The following HNRNPM variants were observed in gnomAD, a reference collection of about 807,000 sequenced individuals.
The protein encoded by HNRNPM is heterogeneous nuclear ribonucleoprotein M, also known as CEA receptor.
Under a neutral mutation model 73.1 loss-of-function variants are expected in HNRNPM, and 11 were observed. The ratio of observed to expected loss-of-function variants is 0.15; its 90% CI spans 0.09 to 0.25. HNRNPM has a LOEUF of 0.25. Among genes scored for constraint, HNRNPM ranks in the 10% least tolerant of loss-of-function variants. HNRNPM has a pLI of 1.00. For missense variants in HNRNPM, 789 were observed against 1,067.9 expected (o/e 0.74, Z 3.64); for synonymous variants, 407 against 355.2 (o/e 1.15, Z -1.64).
rs548534971 is a variant in HNRNPM at position 8,475,676 on chromosome 19, G to A, written c.1120+1432G>A. Reference sequence around the variant, plus strand: ...TAGTAATAAAGCAACAGAGGTCTGCGTTTCCAGTGTACATTCAAGCTTGCC... The same window carrying A: ...TAGTAATAAAGCAACAGAGGTCTGCATTTCCAGTGTACATTCAAGCTTGCC... On this transcript the variant is annotated intron_variant, in intron 12 of 15. Transcript: ENST00000325495. Among the ~76,000 whole-genome samples the A allele has an allele frequency of 4.3e-4, 66 of 152,294 alleles. 2 individuals carry two copies. Among genetic ancestry groups the A allele is most frequent in the Admixed American group, 2.0e-3 (31 of 15,292 alleles).
intron 12 of HNRNPM, among the ~76,000 whole-genome samples, chr19:8,479,705 A>C (rs1042881211): frequency 9.3e-5 from 14 of 150,362 alleles, no homozygotes; most frequent in African/African-American, 3.0e-4. Context: ...TGGCCTCCCA[A>C]GGTGCTGGGG....
chr19:8,452,311 A>G (rs1164579384), intron 1 of HNRNPM, among the ~76,000 whole-genome samples: 1 of 152,236 alleles, frequency 6.6e-6, no homozygotes, highest in Admixed American at 6.5e-5. Flanking sequence ...TGTAAATCTT[A>G]AAGTATTTGG....
Position 8,468,765 on chromosome 19 carries a change from C to T in HNRNPM, c.835-9C>T, listed in dbSNP as rs1478318271. The T allele has an allele frequency of 1.9e-6, 3 of 1,611,524 alleles. No homozygotes were observed. Among genetic ancestry groups the T allele is most frequent in the Admixed American group, 1.7e-5 (1 of 59,994 alleles). On this transcript the variant is annotated splice_polypyrimidine_tract_variant and intron_variant, in intron 8 of 15. Transcript: ENST00000325495. Reference sequence around the variant, plus strand: ...ATACTGAGATTTGTTTGTTTTCTTTCTCTTTCAGGATGAGAGGGCCTTACC... The same window carrying T: ...ATACTGAGATTTGTTTGTTTTCTTTTTCTTTCAGGATGAGAGGGCCTTACC...
chr19:8,469,954 G>A (rs975662935), intron 9 of HNRNPM, among the ~76,000 whole-genome samples: 2 of 152,236 alleles, frequency 1.3e-5, no homozygotes, highest in African/African-American at 4.8e-5. Context: ...CTGTTGAAAG[G>A]CAACATTAGT....
intron 2 of HNRNPM, among the ~76,000 whole-genome samples, chr19:8,457,432 C>T (rs971180263): frequency 1.3e-5 from 2 of 152,316 alleles, no homozygotes; most frequent in East Asian, 1.9e-4. Context: ...CTACGAATGC[C>T]TGGGCTCAGC....
intron 2 of HNRNPM, among the ~76,000 whole-genome samples, chr19:8,459,600 T>TA (rs1402925346): frequency 4.6e-5 from 7 of 152,220 alleles, no homozygotes; most frequent in African/African-American, 1.7e-4. Flanking sequence ...ATATAGGTCT[T>TA]ATAACATGTG....
At chr19:8,453,979 C>CT (rs1378045957) in intron 1 of HNRNPM, among the ~76,000 whole-genome samples, 1 of 152,234 alleles carries the variant, frequency 6.6e-6, no homozygotes, top group African/African-American at 2.4e-5. Context: ...GTGGGATTGT[C>CT]TGCATGCTGT....
chr19:8,483,237 T>G, intron 13 of HNRNPM, 26 bp downstream of exon 13: 1 of 1,593,626 alleles, frequency 6.3e-7, no homozygotes, highest in Non-Finnish European at 8.6e-7. Flanking sequence ...TTTGATGTTT[T>G]GTTTTTTTAG....
chr19:8,458,627 A>C (rs1010212409), intron 2 of HNRNPM, among the ~76,000 whole-genome samples: 4 of 152,252 alleles, frequency 2.6e-5, no homozygotes, highest in Non-Finnish European at 5.9e-5. Context: ...AAGGTCAGGG[A>C]TGTAGTTTAC....
In HNRNPM at chr19:8,462,650, A is replaced by G; in HGVS notation, c.336+69A>G. 1.6e-6 allele frequency: 2 copies of G among 1,270,612 alleles called. No homozygotes were observed. Among genetic ancestry groups the G allele is most frequent in the Admixed American group, 1.7e-5 (1 of 59,500 alleles). The allele number at this position is 1,270,612 out of a possible 1,614,324, so 78.7% of individuals were successfully genotyped here. ...AAATGTAACTGTATGGTGGCGTGGA[A>G]TCGAATGAAATCAGGAAGGCAGTGA... On this transcript the variant is annotated intron_variant, in intron 3 of 15. Transcript: ENST00000325495. This position sits in a 1 kb window ranked among gnomAD's most constrained non-coding sequence, Gnocchi z 4.5.
At chr19:8,468,667 A>G (rs1054016341) in intron 8 of HNRNPM, 107 bp from the exon 9 acceptor site, 10 of 790,824 alleles carry the variant, frequency 1.3e-5, no homozygotes, top group African/African-American at 3.4e-5. Context: ...TGGCGTGGAT[A>G]ATGTGTTTAG....
chr19:8,483,987 C>A (rs934832726), intron 13 of HNRNPM, among the ~76,000 whole-genome samples: 1 of 151,830 alleles, frequency 6.6e-6, no homozygotes, highest in African/African-American at 2.4e-5. Flanking sequence ...AGGCTTATCT[C>A]AAACTCCTGG....
chr19:8,473,652 T>C lies in HNRNPM; in HGVS notation c.998-12T>C. ...ACATAATTTTAGTTTGCATTGACTT[T>C]TTCTTTTTAAGGAATGGGAATGGAA... On this transcript the variant is annotated splice_polypyrimidine_tract_variant and intron_variant, in intron 10 of 15. Transcript: ENST00000325495. 6.5e-7 allele frequency: 1 copy of C among 1,543,910 alleles called. No homozygotes were observed. Among genetic ancestry groups the C allele is most frequent in the Non-Finnish European group, 8.9e-7 (1 of 1,120,668 alleles).
chr19:8,488,976 A>G lies in HNRNPM; in HGVS notation c.*122A>G, dbSNP rs1971514901. 9 of 889,136 alleles carry G rather than the reference A, an allele frequency of 1.0e-5. No individual in the cohort carries two copies. Among genetic ancestry groups the G allele is most frequent in the Non-Finnish European group, 1.5e-5 (9 of 593,962 alleles). 55.1% of individuals were successfully genotyped at this position (889,136 alleles called of 1,614,324 possible). A position where few individuals can be genotyped will look rare whatever the true frequency, so the allele number is the denominator to read the frequency against. On this transcript the variant is annotated 3_prime_UTR_variant, in exon 16 of 16. Coordinates refer to ENST00000325495, the MANE Select transcript of HNRNPM (RefSeq NM_005968.5). ...AAAAAATTCAGTTGCTTTTTGGGGT[A>G]ATTTGAATTACTTTTTTAATGACTG...
At chr19:8,472,984 C>G (rs370915023) in intron 10 of HNRNPM, among the ~76,000 whole-genome samples, 3 of 152,194 alleles carry the variant, frequency 2.0e-5, no homozygotes, top group Non-Finnish European at 4.4e-5. Context: ...ATGTTTAATA[C>G]TGCCTAACTT....
At chr19:8,470,882 C>G (rs1970081338) in intron 9 of HNRNPM, among the ~76,000 whole-genome samples, 1 of 152,140 alleles carries the variant, frequency 6.6e-6, no homozygotes, top group African/African-American at 2.4e-5. Context: ...CACCCAGATT[C>G]AGAGAGTAGT....
At chr19:8,457,570 TTTAA>T (rs544291690) in intron 2 of HNRNPM, among the ~76,000 whole-genome samples, 74 of 152,324 alleles carry the variant, frequency 4.9e-4, no homozygotes, top group Non-Finnish European at 8.8e-4. Context: ...TACTTTGCTG[TTTAA>T]TTAAATTATT....
chr19:8,452,688 A>G (rs1968712854), intron 1 of HNRNPM, among the ~76,000 whole-genome samples: 2 of 152,144 alleles, frequency 1.3e-5, no homozygotes, highest in Admixed American at 1.3e-4. Context: ...GTATTGGTAT[A>G]GTTGAGAGAT....
chr19:8,456,792 A>G (rs1324841870), intron 2 of HNRNPM, among the ~76,000 whole-genome samples: 2 of 152,206 alleles, frequency 1.3e-5, no homozygotes, highest in Non-Finnish European at 2.9e-5. Context: ...ATTTCTCCAG[A>G]TAACACAGAT....
Sources: gnomAD v4.1 joint callset for allele counts (sites outside exome capture counted in the v4.1 genomes callset) on GRCh38, gnomAD v4.1.1 for gene constraint, Gnocchi (gnomAD v3.1) non-coding constraint, MANE v1.5 for transcripts, NCBI Gene and HGNC (gene_info 2026-07-23, HGNC 2026-07-21) for gene names.